RNF38: variants seen among roughly 807,000 people sequenced by gnomAD.
RNF38 encodes the protein ring finger protein 38.
In RNF38, 15 loss-of-function variants were observed where a neutral mutation model predicts 67.2. The ratio of observed to expected loss-of-function variants is 0.22; its 90% CI spans 0.15 to 0.34. The LOEUF is 0.34. RNF38 is among the 10% of genes least tolerant of loss of function. The probability of loss-of-function intolerance (pLI) is 1.00; values close to 1 mark genes in which losing one functional copy is unlikely to be tolerated. For missense variants in RNF38, 524 were observed against 639.9 expected, an observed-to-expected ratio of 0.82 and a Z score of 1.95; for synonymous variants, 220 against 218.8, an observed-to-expected ratio of 1.01 and a Z score of -0.05.
chr9:36,375,997 A>C lies in RNF38; in HGVS notation c.293T>G (p.Val98Gly). The change falls in exon 3 of 12, where the codon GTT becomes GGT. Residue 98 changes from valine to glycine, a missense_variant. By Grantham distance (109) the Val-to-Gly change is moderately radical (BLOSUM62 -3). Coordinates refer to ENST00000259605, the MANE Select transcript of RNF38 (RefSeq NM_022781.5). ...TGAGAAGTGATGTTGGCTTGGTCGA[A>C]CTGAAGGGGGCTGCCTATTTGATGT... ...EMTSNRQPPS[V>G]RPSQHHFSGE... is the part of the protein sequence containing the mutation. 1 of 1,613,348 alleles carries C rather than the reference A, an allele frequency of 6.2e-7. No homozygotes were observed. The highest frequency in any genetic ancestry group is 8.5e-7 in the Non-Finnish European group (1 of 1,179,726).
intron 2 of RNF38, among the ~76,000 whole-genome samples, chr9:36,385,132 C>G (rs1455345137): frequency 6.6e-6 from 1 of 151,066 alleles, no homozygotes; most frequent in African/African-American, 2.5e-5. Context: ...GCCTCATGAG[C>G]TAACCGAAAA....
At chr9:36,368,483 A>T (rs1835138093) in intron 4 of RNF38, among the ~76,000 whole-genome samples, 1 of 152,166 alleles carries the variant, frequency 6.6e-6, no homozygotes, top group Non-Finnish European at 1.5e-5. Flanking sequence ...TCATATACAT[A>T]TTAATTATGC....
chr9:36,396,930 C>A (rs1181997552), intron 1 of RNF38, among the ~76,000 whole-genome samples: 1 of 151,356 alleles, frequency 6.6e-6, no homozygotes, highest in Non-Finnish European at 1.5e-5. Context: ...TTCTCATACA[C>A]AAATGACACA....
chr9:36,462,949 G>A (rs567277840), intron 1 of RNF38, among the ~76,000 whole-genome samples: 59 of 151,946 alleles, frequency 3.9e-4, no homozygotes, highest in African/African-American at 1.4e-3. Flanking sequence ...TGGGATTACA[G>A]GTGTGAGCCA....
upstream of RNF38, chr9:36,400,793 G>A (rs1298232312): frequency 1.1e-5 from 11 of 985,342 alleles, no homozygotes; most frequent in Non-Finnish European, 1.1e-5. Context: ...TGACAGAGTC[G>A]CCTAACGCCT....
At chr9:36,409,043 C>A (rs752241018) in intron 2 of RNF38, among the ~76,000 whole-genome samples, 2 of 152,050 alleles carry the variant, frequency 1.3e-5, no homozygotes, top group Non-Finnish European at 2.9e-5. Flanking sequence ...AAAAATTAGC[C>A]GAGTGTGGTG....
chr9:36,472,678 G>C (rs548567149), intron 1 of RNF38, among the ~76,000 whole-genome samples: 1 of 152,284 alleles, frequency 6.6e-6, no homozygotes, highest in Non-Finnish European at 1.5e-5. Flanking sequence ...ATGAGATACT[G>C]AACTACCAAG....
chr9:36,441,111 T>C (rs1488305695), intron 1 of RNF38, among the ~76,000 whole-genome samples: 1 of 152,082 alleles, frequency 6.6e-6, no homozygotes, highest in Non-Finnish European at 1.5e-5. Flanking sequence ...GAAGAAAAGA[T>C]GAGAAAGAAA....
intron 2 of RNF38, among the ~76,000 whole-genome samples, chr9:36,409,025 A>G (rs1838250697): frequency 1.3e-5 from 2 of 152,132 alleles, no homozygotes; most frequent in Admixed American, 1.3e-4. Context: ...TCTCTCTACT[A>G]AAAATACAAA....
intron 2 of RNF38, among the ~76,000 whole-genome samples, chr9:36,381,532 A>C (rs1429718209): frequency 6.6e-6 from 1 of 152,210 alleles, no homozygotes; most frequent in African/African-American, 2.4e-5. Flanking sequence ...AGGCCAAGCC[A>C]GACAAGGGTT....
intron 3 of RNF38, 72 bp downstream of exon 3, chr9:36,375,862 T>C (rs546657157): frequency 2.9e-6 from 4 of 1,398,078 alleles, no homozygotes; most frequent in South Asian, 1.4e-5. Flanking sequence ...GAAAAAATGT[T>C]TTCTGATGTT....
intron 1 of RNF38, among the ~76,000 whole-genome samples, chr9:36,460,455 C>A (rs984153742): frequency 6.6e-5 from 10 of 152,086 alleles, no homozygotes; most frequent in African/African-American, 2.4e-4. Context: ...CCTGCCCCGA[C>A]CCCATCACCA....
chr9:36,472,507 T>A (rs1387919919), intron 1 of RNF38, among the ~76,000 whole-genome samples: 1 of 152,178 alleles, frequency 6.6e-6, no homozygotes, highest in Non-Finnish European at 1.5e-5. Context: ...AGATTGGACA[T>A]CCCTGGCCAG....
At chr9:36,463,238 G>A (rs1839777895) in intron 1 of RNF38, among the ~76,000 whole-genome samples, 1 of 152,118 alleles carries the variant, frequency 6.6e-6, no homozygotes, top group African/African-American at 2.4e-5. Flanking sequence ...GTTCACTACT[G>A]TGTAGCCAGT....
At chr9:36,439,041 A>G (rs539981368) in intron 1 of RNF38, among the ~76,000 whole-genome samples, 43 of 151,920 alleles carry the variant, frequency 2.8e-4, no homozygotes, top group African/African-American at 9.2e-4. Flanking sequence ...TCATACTTCA[A>G]ATCTATGCAG....
chr9:36,357,822 C>G lies in RNF38; in HGVS notation c.691G>C (p.Val231Leu), dbSNP rs376557774. Residue 231 changes from valine to leucine, a missense_variant, in exon 5 of 12, where the codon GTG becomes CTG. Coordinates refer to ENST00000259605, the MANE Select transcript of RNF38 (RefSeq NM_022781.5). ...CSTQQVPGCS[V>L]VFSGQHLPVC... is the part of the protein sequence containing the mutation. ...GGGAGGTGCTGTCCACTGAAAACCA[C>G]AGAGCATCCTGGGACCTGCTGTGTA... The G allele has an allele frequency of 5.6e-6, 9 of 1,613,850 alleles. No homozygotes were observed. The African/African-American group carries it at 1.1e-4, about 19-fold the overall frequency.
chr9:36,417,816 C>G (rs1838514413), intron 2 of RNF38, among the ~76,000 whole-genome samples: 1 of 151,912 alleles, frequency 6.6e-6, no homozygotes, highest in Admixed American at 6.6e-5. Flanking sequence ...CAGCCACTTC[C>G]ACCACTTTTT....
chr9:36,446,828 A>AAG (rs1839314553), intron 1 of RNF38, among the ~76,000 whole-genome samples: 1 of 147,492 alleles, frequency 6.8e-6, no homozygotes, highest in Admixed American at 6.8e-5. Flanking sequence ...AAAAAAAAAA[A>AAG]AAAAAAAAAA....
In RNF38 at chr9:36,413,914, G is replaced by A. The variant is rs908177194; in HGVS notation, n.312+10699C>T. ...GTTTTGTAAATTTGGGAGCTCCAGT[G>A]TTAAATGCAAATATATTTAGGATTA... is the stretch of plus-strand genomic sequence containing the variant. On this transcript the variant is annotated intron_variant and non_coding_transcript_variant, in intron 2 of 3. Transcript: ENST00000488058. Among the ~76,000 whole-genome samples, 6 of 152,306 alleles carry A rather than the reference G, an allele frequency of 3.9e-5. No individual in the cohort carries two copies. The South Asian group carries it at 1.2e-3, about 32-fold the overall frequency.
Sources: gnomAD v4.1 joint callset for allele counts (sites outside exome capture counted in the v4.1 genomes callset) on GRCh38, gnomAD v4.1.1 for gene constraint, MANE v1.5 for transcripts, NCBI Gene and HGNC (gene_info 2026-07-23, HGNC 2026-07-21) for gene names.